The following SDK1 variants were observed in gnomAD, a reference collection of about 807,000 sequenced individuals.
The protein encoded by SDK1 is sidekick cell adhesion molecule 1.
SDK1 carries 157 observed loss-of-function variants against 245.5 expected under a neutral mutation model. That is an observed-to-expected ratio of 0.64 (90% CI 0.56 to 0.73). The LOEUF (loss-of-function observed/expected upper bound fraction) is 0.73. SDK1 is among the 30% of genes least tolerant of loss of function. The pLI, the probability that SDK1 is intolerant of heterozygous loss-of-function variation, is 0.00. For synonymous variants in SDK1, 1,647 were observed against 1,278.5 expected (o/e 1.29, Z -6.15); for missense variants, 3,583 against 3,002.3 (o/e 1.19, Z -4.52).
intron 1 of SDK1, among the ~76,000 whole-genome samples, chr7:3,524,710 C>T (rs1028149464): frequency 6.6e-6 from 1 of 152,156 alleles, no homozygotes; most frequent in Non-Finnish European, 1.5e-5. Context: ...CACCTTTAGA[C>T]ATGTTCACTT....
chr7:3,550,659 C>A (rs1275201682), intron 1 of SDK1, among the ~76,000 whole-genome samples: 2 of 152,172 alleles, frequency 1.3e-5, no homozygotes, highest in Non-Finnish European at 2.9e-5. Context: ...ATCCATTTGA[C>A]AGATGTGTTC....
chr7:3,653,408 G>A (rs1783068333), intron 4 of SDK1, among the ~76,000 whole-genome samples: 1 of 152,108 alleles, frequency 6.6e-6, no homozygotes, highest in Admixed American at 6.5e-5. Flanking sequence ...CAAGGTTTAG[G>A]GAGAGACCAT....
At chr7:3,808,433 T>G (rs911692805) in intron 4 of SDK1, among the ~76,000 whole-genome samples, 1 of 152,182 alleles carries the variant, frequency 6.6e-6, no homozygotes, top group Admixed American at 6.5e-5. Context: ...AGTGTCTGTC[T>G]CCCAACTGTG....
At chr7:4,191,866 G>A (rs1374850483) in intron 35 of SDK1, among the ~76,000 whole-genome samples, 2 of 152,188 alleles carry the variant, frequency 1.3e-5, no homozygotes, top group South Asian at 2.1e-4. Flanking sequence ...CCAGGGCCGC[G>A]CGTCACGCAC....
At chr7:3,358,918 A>G (rs555123927) in intron 1 of SDK1, among the ~76,000 whole-genome samples, 4 of 152,222 alleles carry the variant, frequency 2.6e-5, no homozygotes, top group Non-Finnish European at 5.9e-5. Context: ...ACCCATTTCT[A>G]GGGCATGGTT....
intron 1 of SDK1, among the ~76,000 whole-genome samples, chr7:3,365,630 T>C (rs1416751911): frequency 6.6e-6 from 1 of 152,218 alleles, no homozygotes; most frequent in African/African-American, 2.4e-5. Context: ...ATTAAAACTA[T>C]TGAATAAAAT....
chr7:4,075,249 C>T (rs1009392514), intron 20 of SDK1, among the ~76,000 whole-genome samples: 6 of 152,262 alleles, frequency 3.9e-5, no homozygotes, highest in Non-Finnish European at 5.9e-5. Flanking sequence ...TCCGCCCACA[C>T]GGGAGTCCCC....
chr7:3,821,188 G>C (rs1779636668), intron 4 of SDK1, among the ~76,000 whole-genome samples: 1 of 152,160 alleles, frequency 6.6e-6, no homozygotes, highest in Admixed American at 6.5e-5. Flanking sequence ...CCAGAACATT[G>C]TCTTCTTCAC....
At chr7:3,678,448 G>T (rs1253905469) in intron 4 of SDK1, among the ~76,000 whole-genome samples, 1 of 152,206 alleles carries the variant, frequency 6.6e-6, no homozygotes, top group African/African-American at 2.4e-5. Flanking sequence ...TAAAAGGCAG[G>T]AGCTTTGAAA....
At position 3,935,778 on chromosome 7, in the gene SDK1, T is replaced by G. The variant is rs371367778; in HGVS notation, c.848-15145T>G. Among the ~76,000 whole-genome samples, 54 of 152,344 alleles carry G rather than the reference T, an allele frequency of 3.5e-4. 1 individual carries two copies. In the East Asian group the frequency reaches 9.4e-3, roughly 27 times the overall value. ...CAAGGATGTGGAGAAACTGGAACGC[T>G]TAGGTACTGCTAGGAGAAATGTATG... On this transcript the variant is annotated intron_variant, in intron 5 of 44. Transcript: ENST00000404826.
intron 19 of SDK1, among the ~76,000 whole-genome samples, chr7:4,058,935 C>T (rs1046831149): frequency 6.6e-6 from 1 of 152,024 alleles, no homozygotes; most frequent in Non-Finnish European, 1.5e-5. Flanking sequence ...AGAGCAAACA[C>T]ACAAATAAGG....
intron 4 of SDK1, among the ~76,000 whole-genome samples, chr7:3,739,440 C>T (rs1779414275): frequency 6.6e-6 from 1 of 151,976 alleles, no homozygotes; most frequent in South Asian, 2.1e-4. Context: ...GTTGGCACAC[C>T]TGTTGGCATC....
chr7:4,181,337 C>T (rs1420990219), intron 35 of SDK1, among the ~76,000 whole-genome samples: 1 of 152,232 alleles, frequency 6.6e-6, no homozygotes, highest in Non-Finnish European at 1.5e-5. Context: ...GGTGTGTCTG[C>T]TCCTCCAGGG....
chr7:3,886,120 G>A (rs1388705191), intron 5 of SDK1, among the ~76,000 whole-genome samples: 3 of 152,356 alleles, frequency 2.0e-5, no homozygotes, highest in Middle Eastern at 3.4e-3. Flanking sequence ...AACAAAGGGA[G>A]GTGGTGCAAA....
chr7:4,085,129 G>A (rs1305271203), intron 22 of SDK1, among the ~76,000 whole-genome samples: 1 of 152,102 alleles, frequency 6.6e-6, no homozygotes, highest in Non-Finnish European at 1.5e-5. Context: ...CTCCTAACTC[G>A]ATTATCTTCT....
chr7:3,611,594 C>G (rs375470476), intron 1 of SDK1, among the ~76,000 whole-genome samples: 3 of 152,108 alleles, frequency 2.0e-5, no homozygotes, highest in Non-Finnish European at 4.4e-5. Context: ...AAGGGTAGTT[C>G]TACTTTCAGT....
At chr7:4,153,746 C>G (rs753521838) in intron 30 of SDK1, among the ~76,000 whole-genome samples, 1 of 152,188 alleles carries the variant, frequency 6.6e-6, no homozygotes, top group Non-Finnish European at 1.5e-5. Flanking sequence ...GCTCCGTCAT[C>G]GTTCACTGCA....
chr7:3,319,970 C>T (rs1049478730), intron 1 of SDK1, among the ~76,000 whole-genome samples: 1 of 143,628 alleles, frequency 7.0e-6, no homozygotes, highest in South Asian at 2.2e-4. Flanking sequence ...TCTGAGAATG[C>T]GAAAAAATGA....
rs544786483 is a variant in SDK1, at chr7:3,925,452, C to T, written c.848-25471C>T. On this transcript the variant is annotated intron_variant, in intron 5 of 44. Coordinates refer to ENST00000404826, the MANE Select transcript of SDK1 (RefSeq NM_152744.4). ...TGTTAGGGCAAAAGCGACGGCGTTT[C>T]TACCCTCATCAGGAGAGACTGCCTC... 2.0e-5 allele frequency among the ~76,000 whole-genome samples: 3 copies of T among 152,350 alleles called. No individual in the cohort carries two copies. In the South Asian group the frequency reaches 6.2e-4, roughly 32 times the overall value.
Sources: gnomAD v4.1 joint callset for allele counts (sites outside exome capture counted in the v4.1 genomes callset) on GRCh38, gnomAD v4.1.1 for gene constraint, MANE v1.5 for transcripts, NCBI Gene and HGNC (gene_info 2026-07-23, HGNC 2026-07-21) for gene names.